DPP8: variants seen among roughly 807,000 people sequenced by gnomAD.
DPP8 encodes the protein DPP VIII.
DPP8 carries 31 observed loss-of-function variants against 107.5 expected under a neutral mutation model. That is an observed-to-expected ratio of 0.29 (90% confidence interval 0.22 to 0.39). The LOEUF is 0.39. Ranked by LOEUF, DPP8 falls within the 10% of genes least tolerant of loss-of-function variation. The pLI, the probability that DPP8 is intolerant of heterozygous loss-of-function variation, is 1.00. For synonymous variants in DPP8, 381 were observed against 356.6 expected, an observed-to-expected ratio of 1.07 and a Z score of -0.77; for missense variants, 842 against 1,076.1, an observed-to-expected ratio of 0.78 and a Z score of 3.04.
At chr15:65,515,696 A>AAGAG in intron 1 of DPP8, 1 of 1,613,598 alleles carries the variant, frequency 6.2e-7, no homozygotes, top group Non-Finnish European at 8.5e-7. Flanking sequence ...TCCACATTCA[A>AAGAG]AGAGATCTTT....
chr15:65,497,490 A>T (rs1048470190), intron 5 of DPP8, among the ~76,000 whole-genome samples: 1 of 151,538 alleles, frequency 6.6e-6, no homozygotes, highest in Non-Finnish European at 1.5e-5. Flanking sequence ...CTGGGCTCAA[A>T]CAATCTGCCT....
intron 17 of DPP8, among the ~76,000 whole-genome samples, chr15:65,453,363 C>G (rs999632944): frequency 1.3e-5 from 2 of 152,064 alleles, no homozygotes; most frequent in Non-Finnish European, 2.9e-5. Context: ...TGGCATGTAT[C>G]TATAAACAGC....
chr15:65,491,576 A>G (rs1477631054), intron 5 of DPP8, among the ~76,000 whole-genome samples: 3 of 152,148 alleles, frequency 2.0e-5, no homozygotes, highest in Non-Finnish European at 2.9e-5. Flanking sequence ...CAGTATGTAT[A>G]TATTTGTTTG....
intron 15 of DPP8, 73 bp downstream of exon 15, chr15:65,463,688 A>C: frequency 7.6e-7 from 1 of 1,313,688 alleles, no homozygotes; most frequent in Non-Finnish European, 1.1e-6. Flanking sequence ...AACTGACTAG[A>C]CATTTAAAAA....
intron 5 of DPP8, among the ~76,000 whole-genome samples, chr15:65,492,667 G>A (rs1312980601): frequency 6.6e-6 from 1 of 151,538 alleles, no homozygotes; most frequent in Admixed American, 6.6e-5. Flanking sequence ...GAGATCTCGG[G>A]TCACTGCAGC....
chr15:65,470,919 C>CAAAAAAAAAAAAAAAAAA (rs773144225), intron 12 of DPP8, among the ~76,000 whole-genome samples: 6 of 110,796 alleles, frequency 5.4e-5, no homozygotes, highest in African/African-American at 2.1e-4. Context: ...ACTCTTATCT[C>CAAAAAAAAAAAAAAAAAA]AAAAAAAAAA....
intron 19 of DPP8, among the ~76,000 whole-genome samples, chr15:65,450,087 C>A (rs952063485): frequency 4.2e-5 from 4 of 96,360 alleles, no homozygotes; most frequent in African/African-American, 1.4e-4. Flanking sequence ...CCTGCCTCAG[C>A]CTCCCAAGTA....
intron 2 of DPP8, among the ~76,000 whole-genome samples, chr15:65,509,521 C>T (rs972186193): frequency 6.6e-6 from 1 of 152,204 alleles, no homozygotes; most frequent in Non-Finnish European, 1.5e-5. Context: ...CTACAGCAGT[C>T]ATTTTGGGCC....
At chr15:65,468,212 T>C (rs1237850437) in intron 12 of DPP8, among the ~76,000 whole-genome samples, 1 of 152,092 alleles carries the variant, frequency 6.6e-6, no homozygotes, top group African/African-American at 2.4e-5. Flanking sequence ...TTTAAGAAAA[T>C]GGCCAGATGT....
At chr15:65,467,292 T>C (rs547235511) in intron 12 of DPP8, 69 bp from the exon 13 acceptor site, 841 of 1,520,000 alleles carry the variant, frequency 5.5e-4, no homozygotes, top group Non-Finnish European at 5.4e-4. Context: ...CCCAATTTTA[T>C]TTACAATCAC....
chr15:65,508,287 G>A (rs937980570), intron 2 of DPP8, among the ~76,000 whole-genome samples: 2 of 151,992 alleles, frequency 1.3e-5, no homozygotes, highest in Admixed American at 1.3e-4. Context: ...GACCTTTAGG[G>A]TTTCCAATAA....
chr15:65,463,716 C>CAT, intron 15 of DPP8, 45 bp downstream of exon 15: 2 of 1,490,164 alleles, frequency 1.3e-6, no homozygotes, highest in Non-Finnish European at 9.2e-7. Flanking sequence ...ATCTAAAATA[C>CAT]ATATGCATAT....
rs144405811 is a variant in DPP8, at chr15:65,490,287, A to G, written c.728T>C (p.Met243Thr). 49 of 1,610,214 alleles carry G rather than the reference A, an allele frequency of 3.0e-5. No homozygotes were observed. The African/African-American group carries it at 6.4e-4, about 21-fold the overall frequency. Reference protein sequence around the residue: ...LTYVHNELANMEEDARSAGVA... With the variant: ...LTYVHNELANTEEDARSAGVA... Reference sequence around the variant, plus strand: ...TCCAGCTGATCTGGCATCTTCTTCCATGTTGGCTAGCTCTAGACAAATATA... The same window carrying G: ...TCCAGCTGATCTGGCATCTTCTTCCGTGTTGGCTAGCTCTAGACAAATATA... The change falls in exon 6 of 20, where the codon ATG (methionine) becomes ACG (threonine). Residue 243 changes from methionine (M) to threonine (T), a missense_variant. This residue lies in a region of DPP8 where 663 missense variants were observed against 758.0 expected (regional missense o/e 0.87). Coordinates refer to ENST00000300141, the MANE Select transcript of DPP8 (RefSeq NM_130434.5).
intron 2 of DPP8, among the ~76,000 whole-genome samples, chr15:65,510,538 C>CTT (rs11386408): frequency 3.5e-4 from 53 of 149,906 alleles, no homozygotes; most frequent in East Asian, 1.4e-3. Context: ...ATACAAATGG[C>CTT]TTTTTTTTTT....
chr15:65,483,693 T>C (rs1192332167), intron 8 of DPP8, among the ~76,000 whole-genome samples: 1 of 151,942 alleles, frequency 6.6e-6, no homozygotes, highest in African/African-American at 2.4e-5. Context: ...GTTAAAAAAA[T>C]AGTCATCCAA....
In DPP8 at chr15:65,445,154, C is replaced by T. The variant is rs2063449159; in HGVS notation, c.*1730G>A. The T allele has an allele frequency of 6.6e-6, 1 of 152,120 alleles. No individual in the cohort carries two copies. Among genetic ancestry groups the T allele is most frequent in the African/African-American group, 2.4e-5 (1 of 41,394 alleles). The allele number at this position is 152,120 out of a possible 1,614,324, so 9.4% of individuals were successfully genotyped here. On this transcript the variant is annotated 3_prime_UTR_variant, in exon 20 of 20. Transcript: ENST00000300141. ...CGACAGAACCACCATATCATCCTGCCATTTCTGGGCTTTCCCTACCTCCCA... is the reference window on the plus strand; with the variant it reads ...CGACAGAACCACCATATCATCCTGCTATTTCTGGGCTTTCCCTACCTCCCA...
At chr15:65,467,667 C>G (rs760134676) in intron 12 of DPP8, among the ~76,000 whole-genome samples, 18 of 152,154 alleles carry the variant, frequency 1.2e-4, no homozygotes, top group Admixed American at 5.9e-4. Context: ...CATGAGCCAC[C>G]ATGCCTGGCT....
rs2066289463 is a variant in DPP8, at chr15:65,475,393, T to C, written c.1457-1105A>G. On this transcript the variant is annotated intron_variant, in intron 11 of 19. Transcript: ENST00000300141. ...AACAGGAGAACTGGCTCTTGGCCAC[T>C]GTGAGGGGTACAGCTTTGCCACTCA... 3.2e-6 allele frequency: 5 copies of C among 1,547,570 alleles called. No individual in the cohort carries two copies. The East Asian group carries it at 1.1e-4, about 35-fold the overall frequency.
intron 15 of DPP8, among the ~76,000 whole-genome samples, chr15:65,462,627 T>C (rs1391354286): frequency 6.6e-6 from 1 of 152,122 alleles, no homozygotes; most frequent in Non-Finnish European, 1.5e-5. Context: ...GTCACCAGGC[T>C]GGAGTACAGT....
Sources: gnomAD v4.1 joint callset for allele counts (sites outside exome capture counted in the v4.1 genomes callset) on GRCh38, gnomAD v4.1.1 for gene constraint, gnomAD v4.1.1 regional missense constraint, MANE v1.5 for transcripts, NCBI Gene and HGNC (gene_info 2026-07-23, HGNC 2026-07-21) for gene names.